Variants in METTL15 observed in about 807,000 individuals in gnomAD.
The protein encoded by METTL15 is methyltransferase 15, mitochondrial 12S rRNA N4-cytidine, also known as 12S rRNA N(4)-cytidine methyltransferase METTL15.
Under a neutral mutation model 38.3 loss-of-function variants are expected in METTL15, and 34 were observed. The observed-to-expected ratio is 0.89, with a 90% CI of 0.68 to 1.18. The LOEUF (loss-of-function observed/expected upper bound fraction) is 1.18. Among genes scored for constraint, METTL15 ranks in the 50% most tolerant of loss-of-function variants. METTL15 has a pLI of 0.00. For synonymous variants in METTL15, 162 were observed against 170.9 expected, an observed-to-expected ratio of 0.95 and a Z score of 0.41; for missense variants, 438 against 498.4, an observed-to-expected ratio of 0.88 and a Z score of 1.15.
chr11:28,146,924 G>T (rs1299357582), intron 3 of METTL15, among the ~76,000 whole-genome samples: 2 of 151,796 alleles, frequency 1.3e-5, no homozygotes, highest in African/African-American at 4.8e-5. Flanking sequence ...GTATTTGAAA[G>T]AAAATATTTC....
At chr11:28,124,846 A>G (rs1352325739) in intron 3 of METTL15, among the ~76,000 whole-genome samples, 1 of 152,126 alleles carries the variant, frequency 6.6e-6, no homozygotes, top group Non-Finnish European at 1.5e-5. Flanking sequence ...TGACCTATAT[A>G]ATGGTTATAT....
chr11:28,382,690 C>T (rs1421435855), intron 5 of METTL15, among the ~76,000 whole-genome samples: 6 of 151,924 alleles, frequency 3.9e-5, no homozygotes, highest in East Asian at 1.9e-4. Context: ...AAAAACTTAG[C>T]CAGGCATGGA....
At position 28,332,265 on chromosome 11, in the gene METTL15, A is replaced by C. The variant is rs1298061420; in HGVS notation, c.*1424A>C. On this transcript the variant is annotated 3_prime_UTR_variant, in exon 7 of 7. Transcript: ENST00000407364. ...AGAACAATATGGTTGAAATAGAAACAAGAGAATGCACCTAGGTTAATTCCC... is the reference window on the plus strand; with the variant it reads ...AGAACAATATGGTTGAAATAGAAACCAGAGAATGCACCTAGGTTAATTCCC... 6.6e-6 allele frequency: 1 copy of C among 152,308 alleles called. No homozygotes were observed. Among genetic ancestry groups the C allele is most frequent in the East Asian group, 1.9e-4 (1 of 5,180 alleles). The allele number at this position is 152,308 out of a possible 1,614,324, so 9.4% of individuals were successfully genotyped here.
intron 5 of METTL15, among the ~76,000 whole-genome samples, chr11:28,408,631 AT>A (rs1323967262): frequency 6.6e-6 from 1 of 152,242 alleles, no homozygotes; most frequent in Admixed American, 6.5e-5. Context: ...TCATATAGCT[AT>A]CAAAATCACA....
chr11:28,380,981 C>T (rs1015285532), intron 5 of METTL15, among the ~76,000 whole-genome samples: 1 of 151,872 alleles, frequency 6.6e-6, no homozygotes, highest in Non-Finnish European at 1.5e-5. Context: ...CTCTTAGTGT[C>T]CCTTTTGTCT....
At chr11:28,431,125 C>T (rs1278527173) in intron 6 of METTL15, among the ~76,000 whole-genome samples, 1 of 77,796 alleles carries the variant, frequency 1.3e-5, no homozygotes, top group East Asian at 3.3e-4. Flanking sequence ...AGCCCCTCTG[C>T]CCGGCCAGCC....
At chr11:28,283,462 ACTC>A (rs1834976673) in intron 4 of METTL15, among the ~76,000 whole-genome samples, 1 of 151,968 alleles carries the variant, frequency 6.6e-6, no homozygotes, top group South Asian at 2.1e-4. Context: ...TTTGTTCTTA[ACTC>A]CTCTTATTAG....
chr11:28,271,250 C>A (rs1855627950), intron 4 of METTL15, among the ~76,000 whole-genome samples: 1 of 152,142 alleles, frequency 6.6e-6, no homozygotes, highest in African/African-American at 2.4e-5. Flanking sequence ...CTCATTTTAA[C>A]ACAAATTAAC....
At chr11:28,217,577 T>C (rs1852953239) in intron 4 of METTL15, among the ~76,000 whole-genome samples, 1 of 152,226 alleles carries the variant, frequency 6.6e-6, no homozygotes, top group Non-Finnish European at 1.5e-5. Context: ...ATCCCATTTG[T>C]CAATTTTGGC....
At chr11:28,168,369 C>A (rs1057089339) in intron 3 of METTL15, among the ~76,000 whole-genome samples, 4 of 150,984 alleles carry the variant, frequency 2.6e-5, no homozygotes, top group African/African-American at 9.7e-5. Flanking sequence ...GATCAGAAAT[C>A]TTTCTTAAAT....
intron 6 of METTL15, among the ~76,000 whole-genome samples, chr11:28,470,606 C>G (rs908658554): frequency 6.6e-6 from 1 of 152,016 alleles, no homozygotes; most frequent in African/African-American, 2.4e-5. Context: ...CTGAAGCCTT[C>G]AAGGAAGAGA....
chr11:28,515,148 G>A (rs1389360727), intron 6 of METTL15, among the ~76,000 whole-genome samples: 1 of 152,116 alleles, frequency 6.6e-6, no homozygotes, highest in Non-Finnish European at 1.5e-5. Flanking sequence ...AGGAGGAAAA[G>A]CATAAGAAAG....
chr11:28,377,436 T>C (rs944933803), intron 5 of METTL15, among the ~76,000 whole-genome samples: 11 of 152,296 alleles, frequency 7.2e-5, no homozygotes, highest in African/African-American at 2.4e-4. Flanking sequence ...TACCCTTTCT[T>C]CCAGTTGATC....
intron 4 of METTL15, among the ~76,000 whole-genome samples, chr11:28,241,676 G>C (rs1322201446): frequency 6.6e-6 from 1 of 152,140 alleles, no homozygotes; most frequent in Non-Finnish European, 1.5e-5. Context: ...ACTTGGAAGA[G>C]GTACGGAGTT....
chr11:28,260,216 G>A (rs1855146062), intron 4 of METTL15, among the ~76,000 whole-genome samples: 1 of 152,100 alleles, frequency 6.6e-6, no homozygotes, highest in Admixed American at 6.5e-5. Context: ...CAGGCACTTA[G>A]CTCTTGTTAT....
chr11:28,494,261 A>G (rs2133484075), intron 6 of METTL15, among the ~76,000 whole-genome samples: 1 of 152,238 alleles, frequency 6.6e-6, no homozygotes, highest in African/African-American at 2.4e-5. Context: ...TTCACCACCA[A>G]CCCACTTTAA....
chr11:28,271,523 A>C (rs960859918), intron 4 of METTL15, among the ~76,000 whole-genome samples: 16 of 152,274 alleles, frequency 1.1e-4, no homozygotes, highest in Admixed American at 4.6e-4. Context: ...CTAACGATCC[A>C]CACTGGTGAC....
intron 4 of METTL15, among the ~76,000 whole-genome samples, chr11:28,271,195 C>T (rs935610321): frequency 3.3e-5 from 5 of 152,256 alleles, no homozygotes; most frequent in African/African-American, 1.2e-4. Context: ...CACACCCCAC[C>T]TAGCAATCCC....
At chr11:28,165,420 A>T (rs765414354) in intron 3 of METTL15, among the ~76,000 whole-genome samples, 12 of 152,146 alleles carry the variant, frequency 7.9e-5, no homozygotes, top group African/African-American at 2.4e-4. Flanking sequence ...CATTTCCCTG[A>T]TGATTAATGA....
Sources: allele counts gnomAD v4.1 joint callset (sites outside exome capture counted in the v4.1 genomes callset), GRCh38; gene constraint gnomAD v4.1.1; transcripts MANE v1.5; gene names NCBI Gene and HGNC (gene_info 2026-07-23, HGNC 2026-07-21).